The following ADAM12 variants were observed in gnomAD, a reference collection of about 807,000 sequenced individuals.
The protein encoded by ADAM12 is disintegrin and metalloproteinase domain-containing protein 12.
In ADAM12, 70 loss-of-function variants were observed where a neutral mutation model predicts 106.4. The observed-to-expected ratio is 0.66, with a 90% CI of 0.54 to 0.80. The LOEUF is 0.80. Ranked by LOEUF, ADAM12 falls within the 30% of genes least tolerant of loss-of-function variation. ADAM12 has a pLI of 0.00. For missense variants in ADAM12, 1,010 were observed against 1,171.9 expected, an observed-to-expected ratio of 0.86 and a Z score of 2.02; for synonymous variants, 420 against 433.5, an observed-to-expected ratio of 0.97 and a Z score of 0.39.
At position 126,012,403 on chromosome 10, in the gene ADAM12, C is replaced by T. The variant is rs183469398; in HGVS notation, c.*4876G>A. On this transcript the variant is annotated 3_prime_UTR_variant, in exon 23 of 23. Coordinates refer to ENST00000448723, the MANE Select transcript of ADAM12 (RefSeq NM_001288973.2). Reference sequence around the variant, plus strand: ...AGACACATTGATATTTACCTTTATACAATTTATTGGGTTTAATATTCATAA... The same window carrying T: ...AGACACATTGATATTTACCTTTATATAATTTATTGGGTTTAATATTCATAA... The T allele has an allele frequency of 2.0e-5, 3 of 152,326 alleles. No individual in the cohort carries two copies. The highest frequency in any genetic ancestry group is 1.9e-4 in the East Asian group (1 of 5,188). The allele number at this position is 152,326 out of a possible 1,614,324, so 9.4% of individuals were successfully genotyped here. A position where few individuals can be genotyped will look rare whatever the true frequency, so the allele number is the denominator to read the frequency against.
At chr10:126,232,448 C>G (rs1958330662) in intron 3 of ADAM12, among the ~76,000 whole-genome samples, 1 of 152,156 alleles carries the variant, frequency 6.6e-6, no homozygotes, top group African/African-American at 2.4e-5. Context: ...GACTTCTGAC[C>G]TCCAGAATGG....
intron 2 of ADAM12, among the ~76,000 whole-genome samples, chr10:126,281,252 T>C (rs1959566033): frequency 6.6e-6 from 1 of 151,952 alleles, no homozygotes; most frequent in African/African-American, 2.4e-5. Flanking sequence ...TGTATACATG[T>C]GTGTATAACT....
chr10:126,304,408 A>T (rs1016353131), intron 2 of ADAM12, among the ~76,000 whole-genome samples: 2 of 152,074 alleles, frequency 1.3e-5, no homozygotes, highest in Non-Finnish European at 2.9e-5. Flanking sequence ...CAAAAAAGCC[A>T]ACCATATTAA....
At chr10:126,248,957 C>T (rs554496033) in intron 3 of ADAM12, among the ~76,000 whole-genome samples, 3 of 152,184 alleles carry the variant, frequency 2.0e-5, no homozygotes, top group East Asian at 3.9e-4. Context: ...CTGCCCCGTT[C>T]GGCCTCCTGA....
chr10:126,075,094 G>T (rs532399836), intron 11 of ADAM12, among the ~76,000 whole-genome samples: 3 of 152,100 alleles, frequency 2.0e-5, no homozygotes, highest in Non-Finnish European at 4.4e-5. Flanking sequence ...CCTCGGACTG[G>T]GTCAGCCAAT....
chr10:126,101,328 T>C (rs555853789), intron 8 of ADAM12, 87 bp from the exon 9 acceptor site: 1 of 1,334,088 alleles, frequency 7.5e-7, no homozygotes, highest in African/African-American at 1.5e-5. Context: ...TTGCGTTATT[T>C]GAGGGTCACT....
At chr10:126,301,957 G>A (rs1334526774) in intron 2 of ADAM12, among the ~76,000 whole-genome samples, 2 of 152,132 alleles carry the variant, frequency 1.3e-5, no homozygotes, top group Non-Finnish European at 2.9e-5. Context: ...TGGGTAGCAT[G>A]TATCATGACC....
At chr10:126,235,369 C>T (rs913611304) in intron 3 of ADAM12, among the ~76,000 whole-genome samples, 1 of 152,216 alleles carries the variant, frequency 6.6e-6, no homozygotes, top group African/African-American at 2.4e-5. Context: ...AACCTGGCTA[C>T]TCCAGAGCAA....
At chr10:126,284,016 G>T (rs751858424) in intron 2 of ADAM12, among the ~76,000 whole-genome samples, 23 of 152,098 alleles carry the variant, frequency 1.5e-4, no homozygotes, top group Non-Finnish European at 2.8e-4. Flanking sequence ...TTAACCAATT[G>T]TTCCAGCACC....
chr10:126,272,306 A>G (rs565375408), intron 3 of ADAM12, among the ~76,000 whole-genome samples: 23 of 152,352 alleles, frequency 1.5e-4, no homozygotes, highest in African/African-American at 5.0e-4. Context: ...TAACACATCA[A>G]TAAAGATTAA....
At chr10:126,261,027 T>C (rs1414732148) in intron 3 of ADAM12, among the ~76,000 whole-genome samples, 1 of 152,154 alleles carries the variant, frequency 6.6e-6, no homozygotes, top group Non-Finnish European at 1.5e-5. Context: ...ATAACAACTA[T>C]TTACATAGCA....
intron 1 of ADAM12, among the ~76,000 whole-genome samples, chr10:126,338,345 CG>C (rs1854788832): frequency 6.7e-6 from 1 of 149,096 alleles, no homozygotes; most frequent in Non-Finnish European, 1.5e-5. Context: ...CTCCGCCTCC[CG>C]GGTTCCCGCC....
At chr10:126,240,963 G>A (rs552965332) in intron 3 of ADAM12, among the ~76,000 whole-genome samples, 2 of 152,344 alleles carry the variant, frequency 1.3e-5, no homozygotes, top group Admixed American at 6.5e-5. Flanking sequence ...AATCTAGAGT[G>A]TCATTGAAAT....
chr10:126,073,981 A>C (rs1271049332), intron 11 of ADAM12, among the ~76,000 whole-genome samples: 1 of 152,110 alleles, frequency 6.6e-6, no homozygotes, highest in Non-Finnish European at 1.5e-5. Context: ...CTCTTTGCAA[A>C]AAGAAAGAAA....
At chr10:126,022,502 A>G (rs1953786860) in intron 21 of ADAM12, among the ~76,000 whole-genome samples, 1 of 152,196 alleles carries the variant, frequency 6.6e-6, no homozygotes, top group African/African-American at 2.4e-5. Context: ...TTAGTCCAAG[A>G]AGATGTGCCT....
intron 11 of ADAM12, among the ~76,000 whole-genome samples, chr10:126,087,319 G>A (rs759099188): frequency 2.0e-5 from 3 of 152,194 alleles, no homozygotes; most frequent in South Asian, 2.1e-4. Flanking sequence ...ATATTGATGC[G>A]CCCTTCTTGA....
chr10:126,017,915 AG>A (rs1250986913), intron 22 of ADAM12, among the ~76,000 whole-genome samples: 4 of 152,210 alleles, frequency 2.6e-5, no homozygotes. Flanking sequence ...TTTAAGAAAA[AG>A]GGCTTCCCCT....
chr10:126,105,391 G>C (rs1385946897), intron 8 of ADAM12, among the ~76,000 whole-genome samples: 1 of 152,158 alleles, frequency 6.6e-6, no homozygotes, highest in Non-Finnish European at 1.5e-5. Flanking sequence ...GGTCTAAGAA[G>C]AACTCGTGTT....
chr10:126,186,223 A>C (rs957341349), intron 3 of ADAM12, among the ~76,000 whole-genome samples: 1 of 152,170 alleles, frequency 6.6e-6, no homozygotes, highest in Non-Finnish European at 1.5e-5. Context: ...ACCATGTTGT[A>C]ATCCCCGCGG....
Sources: allele counts gnomAD v4.1 joint callset (sites outside exome capture counted in the v4.1 genomes callset), GRCh38; gene constraint gnomAD v4.1.1; transcripts MANE v1.5; gene names NCBI Gene and HGNC (gene_info 2026-07-23, HGNC 2026-07-21).